Variants in ADAMTS9 observed in about 807,000 individuals in gnomAD.
ADAMTS9 encodes the protein ADAM metallopeptidase with thrombospondin type 1 motif 9, also known as A disintegrin and metalloproteinase with thrombospondin motifs 9.
Under a neutral mutation model 257.1 loss-of-function variants are expected in ADAMTS9, and 107 were observed. The ratio of observed to expected loss-of-function variants is 0.42; its 90% CI spans 0.36 to 0.49. ADAMTS9 has a LOEUF of 0.49. ADAMTS9 is among the 20% of genes least tolerant of loss of function. The pLI, the probability that ADAMTS9 is intolerant of heterozygous loss-of-function variation, is 0.03. For synonymous variants in ADAMTS9, 982 were observed against 880.9 expected (o/e 1.11, Z -2.03); for missense variants, 2,353 against 2,469.1 (o/e 0.95, Z 1.00).
intron 26 of ADAMTS9, among the ~76,000 whole-genome samples, chr3:64,597,691 G>A (rs1428702545): frequency 6.6e-6 from 1 of 152,020 alleles, no homozygotes; most frequent in Admixed American, 6.6e-5. Flanking sequence ...TCTCTTTCAT[G>A]GTTTGTCATG....
intron 27 of ADAMTS9, 63 bp from the exon 28 acceptor site, chr3:64,594,497 T>C: frequency 6.4e-7 from 1 of 1,573,964 alleles, no homozygotes; most frequent in Non-Finnish European, 8.6e-7. Context: ...AAATTTCCTT[T>C]CTCCCTAATT....
intron 29 of ADAMTS9, among the ~76,000 whole-genome samples, chr3:64,567,762 C>T (rs1277609427): frequency 1.3e-5 from 2 of 151,506 alleles, no homozygotes; most frequent in African/African-American, 4.9e-5. Flanking sequence ...TGAGAGCCTA[C>T]TAGATTGAAG....
chr3:64,562,077 G>A (rs1237561888), intron 29 of ADAMTS9, among the ~76,000 whole-genome samples: 1 of 152,176 alleles, frequency 6.6e-6, no homozygotes, highest in Non-Finnish European at 1.5e-5. Context: ...GTGCTGCCAT[G>A]AGAAATGAAA....
At chr3:64,526,046 C>A (rs1249628968) in intron 38 of ADAMTS9, among the ~76,000 whole-genome samples, 1 of 143,246 alleles carries the variant, frequency 7.0e-6, no homozygotes, top group African/African-American at 2.6e-5. Context: ...GTATTATAAT[C>A]TTATGTGTGA....
intron 38 of ADAMTS9, among the ~76,000 whole-genome samples, chr3:64,530,890 T>A (rs964914118): frequency 2.0e-5 from 3 of 152,102 alleles, no homozygotes; most frequent in African/African-American, 7.2e-5. Context: ...TTTCAAAACA[T>A]CATGTTGTAC....
intron 37 of ADAMTS9, among the ~76,000 whole-genome samples, chr3:64,533,567 T>C (rs950924829): frequency 2.0e-5 from 3 of 152,172 alleles, no homozygotes; most frequent in African/African-American, 4.8e-5. Flanking sequence ...CCAACTCACA[T>C]CCTCCTGACT....
At chr3:64,576,921 C>T (rs2083866598) in intron 28 of ADAMTS9, among the ~76,000 whole-genome samples, 1 of 152,186 alleles carries the variant, frequency 6.6e-6, no homozygotes, top group Non-Finnish European at 1.5e-5. Context: ...CAACGAGGGG[C>T]TCACATCTTC....
rs766394158 is a variant in ADAMTS9, at chr3:64,681,250, G to A, written c.630C>T (p.Ser210=). The part of the protein sequence containing the change: ...QNKPHIIYRR[S]APQREPSTGR... ...CTGTTGAGGGCTCTCTCTGGGGGGC[G>A]CTGCGCCTATAAATGATGTGGGGTT... Residue 210 remains serine (S), a synonymous_variant, in exon 3 of 40, where the codon AGC becomes AGT. Coordinates refer to ENST00000498707, the MANE Select transcript of ADAMTS9 (RefSeq NM_182920.2). The A allele has an allele frequency of 4.2e-5, 68 of 1,613,748 alleles. No individual in the cohort carries two copies. The highest frequency in any genetic ancestry group is 8.0e-5 in the African/African-American group (6 of 74,870).
intron 29 of ADAMTS9, among the ~76,000 whole-genome samples, chr3:64,564,607 T>A (rs966555770): frequency 6.7e-6 from 1 of 149,744 alleles, no homozygotes; most frequent in Non-Finnish European, 1.5e-5. Flanking sequence ...TAAATAATTC[T>A]TTTTTGTGTG....
In ADAMTS9 at chr3:64,546,744, A is replaced by T. The variant is rs1402917227; in HGVS notation, c.5064+14T>A. 6.4e-7 allele frequency: 1 copy of T among 1,574,556 alleles called. No individual in the cohort carries two copies. The highest frequency in any genetic ancestry group is 1.2e-5 in the South Asian group (1 of 83,616). Reference sequence around the variant, plus strand: ...CAAGGGCTTTCAGATTTGAGTGCTCAGTCTTCTACTTACGCTCCCCCAGTT... The same window carrying T: ...CAAGGGCTTTCAGATTTGAGTGCTCTGTCTTCTACTTACGCTCCCCCAGTT... On this transcript the variant is annotated intron_variant, in intron 32 of 39. Transcript: ENST00000498707.
intron 3 of ADAMTS9, among the ~76,000 whole-genome samples, chr3:64,670,503 G>A (rs987139533): frequency 2.6e-5 from 4 of 152,062 alleles, no homozygotes; most frequent in Admixed American, 6.5e-5. Context: ...TGAAATCTAC[G>A]GTGCATGAAG....
chr3:64,675,106 C>A (rs1316529240), intron 3 of ADAMTS9, among the ~76,000 whole-genome samples: 3 of 152,080 alleles, frequency 2.0e-5, no homozygotes, highest in Non-Finnish European at 4.4e-5. Flanking sequence ...CAAAAAATAT[C>A]CCCTAACTAG....
intron 28 of ADAMTS9, among the ~76,000 whole-genome samples, chr3:64,571,398 C>T (rs541151924): frequency 1.3e-5 from 2 of 152,248 alleles, no homozygotes; most frequent in Non-Finnish European, 2.9e-5. Context: ...CTGTTGGAAA[C>T]AATAACAGCA....
At chr3:64,548,750 G>A (rs142952207) in intron 31 of ADAMTS9, among the ~76,000 whole-genome samples, 141 of 152,350 alleles carry the variant, frequency 9.3e-4, no homozygotes, top group African/African-American at 3.2e-3. Context: ...AATGTTGACT[G>A]CTGCTGGTTT....
intron 22 of ADAMTS9, among the ~76,000 whole-genome samples, chr3:64,610,980 G>T (rs1000948678): frequency 6.6e-6 from 1 of 150,908 alleles, no homozygotes; most frequent in African/African-American, 2.4e-5. Context: ...GGAGGCTGAG[G>T]CAGGAGAATC....
At chr3:64,627,442 A>G (rs1236578208) in intron 16 of ADAMTS9, among the ~76,000 whole-genome samples, 1 of 152,112 alleles carries the variant, frequency 6.6e-6, no homozygotes, top group Non-Finnish European at 1.5e-5. Context: ...TCCCATTGCC[A>G]CAATTAATCA....
intron 19 of ADAMTS9, among the ~76,000 whole-genome samples, chr3:64,619,968 C>G (rs1700065210): frequency 6.6e-6 from 1 of 151,652 alleles, no homozygotes; most frequent in Admixed American, 6.6e-5. Flanking sequence ...ACACTATCTA[C>G]AACAAGAATA....
intron 8 of ADAMTS9, among the ~76,000 whole-genome samples, chr3:64,652,127 T>G (rs73832367): frequency 6.6e-6 from 1 of 152,218 alleles, no homozygotes; most frequent in Admixed American, 6.5e-5. Flanking sequence ...CTATCCCCAA[T>G]GCATGTAATT....
At chr3:64,606,481 A>T (rs1179593132) in intron 23 of ADAMTS9, among the ~76,000 whole-genome samples, 2 of 152,312 alleles carry the variant, frequency 1.3e-5, no homozygotes, top group Non-Finnish European at 2.9e-5. Context: ...GAGTGTTTAT[A>T]AACTTTGCTT....
Sources: allele counts gnomAD v4.1 joint callset (sites outside exome capture counted in the v4.1 genomes callset), GRCh38; gene constraint gnomAD v4.1.1; transcripts MANE v1.5; gene names NCBI Gene and HGNC (gene_info 2026-07-23, HGNC 2026-07-21).